Variants in NGRN observed in about 807,000 individuals in gnomAD.
The protein encoded by NGRN is neugrin.
A neutral mutation model predicts 13.1 loss-of-function variants in NGRN; 12 were observed. That is an observed-to-expected ratio of 0.92 (90% CI 0.59 to 1.49). The LOEUF is 1.49. Ranked by LOEUF, NGRN falls within the 40% of genes most tolerant of loss-of-function variation. The pLI, the probability that NGRN is intolerant of heterozygous loss-of-function variation, is 0.00. For missense variants in NGRN, 397 were observed against 357.0 expected, an observed-to-expected ratio of 1.11 and a Z score of -0.90; for synonymous variants, 149 against 145.8, an observed-to-expected ratio of 1.02 and a Z score of -0.16.
chr15:90,267,053 T>TG (rs1390630228), intron 2 of NGRN, among the ~76,000 whole-genome samples: 3 of 151,204 alleles, frequency 2.0e-5, no homozygotes, highest in Admixed American at 6.6e-5. Flanking sequence ...TTTTGGTAGT[T>TG]GGGGGTCTCA....
intron 1 of NGRN, 82 bp from the exon 2 acceptor site, chr15:90,266,199 GGCTGGGC>G: frequency 4.0e-6 from 6 of 1,516,584 alleles, no homozygotes; most frequent in Non-Finnish European, 5.3e-6. Context: ...AAGAGAAGAG[GGCTGGGC>G]GCTCCATGAT....
intron 2 of NGRN, among the ~76,000 whole-genome samples, chr15:90,269,173 T>TA (rs1328696964): frequency 2.3e-5 from 3 of 131,744 alleles, no homozygotes; most frequent in Admixed American, 7.8e-5. Context: ...TTTTTTTTTT[T>TA]TTTTTTTTTT....
rs1385789348 is a variant in NGRN, at chr15:90,271,036, TC to T, written c.276-150del. On this transcript the variant is annotated intron_variant, in intron 2 of 2. Transcript: ENST00000379095. Reference sequence around the variant, plus strand: ...GTCTCGAACTCCTGGGCTCAAGTGATCCGCCTATCTCGGCCTCTCAGAGTTC... The same window carrying T: ...GTCTCGAACTCCTGGGCTCAAGTGATCGCCTATCTCGGCCTCTCAGAGTTC... 8.0e-6 allele frequency: 7 copies of T among 876,634 alleles called. No individual in the cohort carries two copies. In the South Asian group the frequency reaches 1.2e-4, roughly 15 times the overall value. 54.3% of individuals were successfully genotyped at this position (876,634 alleles called of 1,614,324 possible).
In NGRN at chr15:90,271,836, G is replaced by C. The variant is rs374165169; in HGVS notation, c.*48G>C. ...TGCCTCGTGAAACACAGCTGGGCAAGTATTAATGTATATGGAACAGCCTGG... is the reference window on the plus strand; with the variant it reads ...TGCCTCGTGAAACACAGCTGGGCAACTATTAATGTATATGGAACAGCCTGG... On this transcript the variant is annotated 3_prime_UTR_variant, in exon 3 of 3. Coordinates refer to ENST00000379095, the MANE Select transcript of NGRN (RefSeq NM_001033088.3). The C allele has an allele frequency of 1.9e-5, 31 of 1,594,762 alleles. 1 individual carries two copies. In the East Asian group the frequency reaches 2.9e-4, roughly 15 times the overall value.
intron 2 of NGRN, among the ~76,000 whole-genome samples, chr15:90,268,758 A>G (rs1335528778): frequency 1.3e-5 from 2 of 151,854 alleles, no homozygotes; most frequent in Non-Finnish European, 2.9e-5. Context: ...ATTCAGCAGC[A>G]TTTGCCCTTG....
chr15:90,266,166 T>C, intron 1 of NGRN, 122 bp from the exon 2 acceptor site: 1 of 1,476,702 alleles, frequency 6.8e-7, no homozygotes, highest in Non-Finnish European at 9.0e-7. Flanking sequence ...GCCGGCAACA[T>C]GGCCCGGTTG....
At chr15:90,267,958 G>A (rs912051730) in intron 2 of NGRN, among the ~76,000 whole-genome samples, 1 of 152,092 alleles carries the variant, frequency 6.6e-6, no homozygotes, top group Admixed American at 6.6e-5. Flanking sequence ...TGAGCCTGTA[G>A]CACCTTCTGA....
rs1287320825 is a variant in NGRN at position 90,265,795 on chromosome 15, C to T, written c.83C>T (p.Ala28Val). ...TGTGGGTTCGCGACCCGGGGGGTGG[C>T]GGGCCCAGGCCCTATTGGCCGGGAG... is the stretch of plus-strand genomic sequence containing the variant. ...TRCGFATRGV[A>V]GPGPIGREPD... Residue 28 changes from alanine (A) to valine (V), a missense_variant, in exon 1 of 3, where the codon GCG becomes GTG. Physicochemically the swap from Ala to Val is moderately conservative, Grantham distance 64. Transcript: ENST00000379095. 1 of 1,612,230 alleles carries T rather than the reference C, an allele frequency of 6.2e-7. No homozygotes were observed. The highest frequency in any genetic ancestry group is 2.2e-5 in the East Asian group (1 of 44,832).
intron 2 of NGRN, among the ~76,000 whole-genome samples, chr15:90,269,645 T>C (rs373963841): frequency 6.6e-6 from 1 of 152,212 alleles, no homozygotes; most frequent in South Asian, 2.1e-4. Context: ...TATTGGCTTA[T>C]GACTTCCAAA....
chr15:90,271,236 T>C lies in NGRN; in HGVS notation c.324T>C (p.Ala108=), dbSNP rs1174451476. The change falls in exon 3 of 3, where the codon GCT becomes GCC. Residue 108 remains alanine (A), a synonymous_variant. Coordinates refer to ENST00000379095, the MANE Select transcript of NGRN (RefSeq NM_001033088.3). ...FPESWSVPRL[A]EGFDVSTDVI... is the part of the protein sequence containing the mutation. ...AGTCCTGGTCAGTTCCCAGGTTGGC[T>C]GAAGGCTTTGATGTCAGCACTGATG... The C allele has an allele frequency of 1.2e-6, 2 of 1,614,202 alleles. No homozygotes were observed. The highest frequency in any genetic ancestry group is 3.3e-4 in the Middle Eastern group (2 of 6,062).
chr15:90,267,369 G>C (rs369690109), intron 2 of NGRN, among the ~76,000 whole-genome samples: 39 of 152,022 alleles, frequency 2.6e-4, no homozygotes, highest in African/African-American at 9.2e-4. Flanking sequence ...CAAAAACTAG[G>C]CTCTGTGCCC....
At position 90,265,781 on chromosome 15, in the gene NGRN, G is replaced by A. The variant is rs2151657755; in HGVS notation, c.69G>A (p.Ala23=). Reference sequence around the variant, plus strand: ...CCGCCGTCACTCGCTGTGGGTTCGCGACCCGGGGGGTGGCGGGCCCAGGCC... The same window carrying A: ...CCGCCGTCACTCGCTGTGGGTTCGCAACCCGGGGGGTGGCGGGCCCAGGCC... The part of the protein sequence containing the change: ...VCAAVTRCGF[A]TRGVAGPGPI... Residue 23 remains alanine, a synonymous_variant, in exon 1 of 3, where the codon GCG becomes GCA. Coordinates refer to ENST00000379095, the MANE Select transcript of NGRN (RefSeq NM_001033088.3). The A allele has an allele frequency of 6.2e-7, 1 of 1,612,898 alleles. No homozygotes were observed. Among genetic ancestry groups the A allele is most frequent in the Non-Finnish European group, 8.5e-7 (1 of 1,179,714 alleles).
chr15:90,270,155 C>T (rs1963483905), intron 2 of NGRN, among the ~76,000 whole-genome samples: 1 of 152,154 alleles, frequency 6.6e-6, no homozygotes, highest in Admixed American at 6.5e-5. Context: ...CTCAGCCTCT[C>T]AAAGTGCTGG....
intron 2 of NGRN, among the ~76,000 whole-genome samples, chr15:90,269,369 T>C (rs1325306434): frequency 6.6e-6 from 1 of 151,798 alleles, no homozygotes; most frequent in Non-Finnish European, 1.5e-5. Flanking sequence ...GGGGTACATG[T>C]GCAGAATGTG....
chr15:90,268,946 A>G (rs1421557064), intron 2 of NGRN, among the ~76,000 whole-genome samples: 13 of 29,946 alleles, frequency 4.3e-4, no homozygotes, highest in African/African-American at 1.4e-3. Flanking sequence ...GCTTTCTCCC[A>G]CCCCCCCCCC....
At chr15:90,266,003 T>C (rs1235243550) in intron 1 of NGRN, 127 bp downstream of exon 1, 25 of 1,378,376 alleles carry the variant, frequency 1.8e-5, no homozygotes, top group Non-Finnish European at 2.3e-5. Flanking sequence ...TTCTTACCCG[T>C]TGTTAGGGGC....
At chr15:90,271,119 G>T in intron 2 of NGRN, 69 bp from the exon 3 acceptor site, 1 of 1,533,920 alleles carries the variant, frequency 6.5e-7, no homozygotes, top group Non-Finnish European at 8.8e-7. Context: ...TTTATCATAG[G>T]TATTGCGAGT....
chr15:90,265,869 G>A lies in NGRN; in HGVS notation c.157G>A (p.Val53Met), dbSNP rs1224574358. Residue 53 changes from valine to methionine, a missense_variant, in exon 1 of 3, where the codon GTG becomes ATG. Coordinates refer to ENST00000379095, the MANE Select transcript of NGRN (RefSeq NM_001033088.3). Reference sequence around the variant, plus strand: ...GCCGGAGGAACGGGAGCTGCAGGAGGTGGAGAGGTACCGGCTTCTCCCCGG... The same window carrying A: ...GCCGGAGGAACGGGAGCTGCAGGAGATGGAGAGGTACCGGCTTCTCCCCGG... ...WEPEERELQEVESTLKRQKQA... is the reference protein window; with the variant it reads ...WEPEERELQEMESTLKRQKQA... 1.3e-6 allele frequency: 2 copies of A among 1,593,096 alleles called. No individual in the cohort carries two copies. The highest frequency in any genetic ancestry group is 1.3e-5 in the African/African-American group (1 of 74,114).
rs1405793283 is a variant in NGRN, at chr15:90,271,771, T to C, written c.859T>C (p.Phe287Leu). ...GREFFDSNGNFLYRI is the reference protein window; with the variant it reads ...GREFFDSNGNLLYRI ...AGAGTTCTTTGACAGCAACGGGAAC[T>C]TCCTGTACAGAATTTGAGTCGGGGC... is the stretch of plus-strand genomic sequence containing the variant. The change falls in exon 3 of 3, where the codon TTC (phenylalanine) becomes CTC (leucine). Residue 287 changes from phenylalanine (F) to leucine (L), a missense_variant. Phe to Leu is a conservative substitution (Grantham distance 22). Transcript: ENST00000379095. 15 of 1,613,892 alleles carry C rather than the reference T, an allele frequency of 9.3e-6. No homozygotes were observed. The highest frequency in any genetic ancestry group is 1.2e-5 in the Non-Finnish European group (14 of 1,179,912).
Sources: gnomAD v4.1 joint callset for allele counts (sites outside exome capture counted in the v4.1 genomes callset) on GRCh38, gnomAD v4.1.1 for gene constraint, MANE v1.5 for transcripts, NCBI Gene and HGNC (gene_info 2026-07-23, HGNC 2026-07-21) for gene names.